Variants in DCDC1 observed in about 807,000 individuals in gnomAD.
DCDC1 encodes the protein doublecortin domain containing 1.
A neutral mutation model predicts 178.3 loss-of-function variants in DCDC1; 200 were observed. That is an observed-to-expected ratio of 1.12 (90% CI 1.00 to 1.26). The LOEUF (loss-of-function observed/expected upper bound fraction) is 1.26, where lower values mean the gene tolerates loss of function less well. Among genes scored for constraint, DCDC1 ranks in the 50% most tolerant of loss-of-function variants. The probability of loss-of-function intolerance (pLI) is 0.00; values close to 1 mark genes in which losing one functional copy is unlikely to be tolerated. For synonymous variants in DCDC1, 690 were observed against 604.8 expected, an observed-to-expected ratio of 1.14 and a Z score of -2.07; for missense variants, 1,983 against 1,749.2, an observed-to-expected ratio of 1.13 and a Z score of -2.38.
At chr11:31,358,272 G>T (rs1160488149) in intron 1 of DCDC1, among the ~76,000 whole-genome samples, 1 of 152,162 alleles carries the variant, frequency 6.6e-6, no homozygotes, top group Non-Finnish European at 1.5e-5. Context: ...AGAGCCCTCA[G>T]AAATAATGCT....
chr11:31,131,362 C>T (rs1962419427), intron 10 of DCDC1, among the ~76,000 whole-genome samples: 1 of 152,094 alleles, frequency 6.6e-6, no homozygotes, highest in African/African-American at 2.4e-5. Flanking sequence ...AAGTTTCTCT[C>T]GTTATCCTCC....
chr11:30,992,437 C>T (rs1230218833), intron 20 of DCDC1: 1 of 152,168 alleles, frequency 6.6e-6, no homozygotes, highest in African/African-American at 2.4e-5. Flanking sequence ...GTGAGGCAGT[C>T]CTGCCAAAGA....
At chr11:31,236,765 G>A (rs1976514500) in intron 9 of DCDC1, among the ~76,000 whole-genome samples, 1 of 151,852 alleles carries the variant, frequency 6.6e-6, no homozygotes, top group Admixed American at 6.6e-5. Flanking sequence ...CTATTTTCAT[G>A]TTTTTAATAG....
At chr11:31,184,115 G>A (rs938343161) in intron 9 of DCDC1, among the ~76,000 whole-genome samples, 1 of 152,088 alleles carries the variant, frequency 6.6e-6, no homozygotes, top group African/African-American at 2.4e-5. Flanking sequence ...CAGAACAGAT[G>A]CCTCAGAAAT....
chr11:30,997,729 T>G lies in DCDC1; in HGVS notation c.2592-45161A>C, dbSNP rs538934464. Among the ~76,000 whole-genome samples, 11 of 152,232 alleles carry G rather than the reference T, an allele frequency of 7.2e-5. No individual in the cohort carries two copies. The East Asian group carries it at 1.7e-3, about 24-fold the overall frequency. On this transcript the variant is annotated intron_variant, in intron 20 of 38. Coordinates refer to ENST00000684477, the MANE Select transcript of DCDC1 (RefSeq NM_001387274.1). Reference sequence around the variant, plus strand: ...ACCTTACCAATAACCAAGACAGGAATGTTAGAATGAACCCATGGTGCTGGA... The same window carrying G: ...ACCTTACCAATAACCAAGACAGGAAGGTTAGAATGAACCCATGGTGCTGGA...
At chr11:31,108,021 T>C (rs1958966260) in intron 12 of DCDC1, among the ~76,000 whole-genome samples, 1 of 152,228 alleles carries the variant, frequency 6.6e-6, no homozygotes, top group Non-Finnish European at 1.5e-5. Flanking sequence ...TGCTAAATGC[T>C]GAGGCTTAGA....
At chr11:31,156,371 C>T (rs1354878313) in intron 9 of DCDC1, among the ~76,000 whole-genome samples, 1 of 152,064 alleles carries the variant, frequency 6.6e-6, no homozygotes, top group African/African-American at 2.4e-5. Context: ...AACACGCGGC[C>T]AGTCAGATCT....
rs770789265 is a variant in DCDC1, at chr11:31,328,206, C to CAA, written c.74_75insTT (p.Met25IlefsTer19). 6.2e-7 allele frequency: 1 copy of CAA among 1,612,032 alleles called. No homozygotes were observed. The highest frequency in any genetic ancestry group is 8.5e-7 in the Non-Finnish European group (1 of 1,178,682). On this transcript the variant is annotated frameshift_variant, in exon 3 of 39. Transcript: ENST00000684477. LOFTEE classifies it high-confidence loss of function. ...CAGGGCTACTTTGCTGTAATACTTCCATTGCTTCAGTCAAGAGGGATAAGG... is the reference window on the plus strand; with the variant it reads ...CAGGGCTACTTTGCTGTAATACTTCCAAATTGCTTCAGTCAAGAGGGATAAGG...
At position 31,010,328 on chromosome 11, in the gene DCDC1, C is replaced by T. The variant is rs371334616; in HGVS notation, c.2591+54141G>A. On this transcript the variant is annotated intron_variant, in intron 20 of 38. Coordinates refer to ENST00000684477, the MANE Select transcript of DCDC1 (RefSeq NM_001387274.1). Reference sequence around the variant, plus strand: ...CTGGGAAGAATTCACTTCCAAGCTCCCTCAGGTTGTTAGGAGAACTCACTT... The same window carrying T: ...CTGGGAAGAATTCACTTCCAAGCTCTCTCAGGTTGTTAGGAGAACTCACTT... 1.4e-4 allele frequency among the ~76,000 whole-genome samples: 21 copies of T among 152,308 alleles called. No individual in the cohort carries two copies. In the East Asian group the frequency reaches 3.1e-3, roughly 22 times the overall value.
chr11:31,226,575 T>C (rs1974981447), intron 9 of DCDC1, among the ~76,000 whole-genome samples: 1 of 151,610 alleles, frequency 6.6e-6, no homozygotes, highest in Non-Finnish European at 1.5e-5. Context: ...AAGGTAAGAA[T>C]ACTATCCAAT....
intron 9 of DCDC1, among the ~76,000 whole-genome samples, chr11:31,179,040 G>A (rs1234579737): frequency 6.6e-6 from 1 of 151,996 alleles, no homozygotes; most frequent in East Asian, 1.9e-4. Context: ...CTTCTCAAAA[G>A]AGAATATAAA....
rs548269600 is a variant in DCDC1, at chr11:31,199,302, T to A, written c.1221+42148A>T. 9.9e-5 allele frequency among the ~76,000 whole-genome samples: 15 copies of A among 152,054 alleles called. No homozygotes were observed. The South Asian group carries it at 2.9e-3, about 29-fold the overall frequency. On this transcript the variant is annotated intron_variant, in intron 9 of 38. Coordinates refer to ENST00000684477, the MANE Select transcript of DCDC1 (RefSeq NM_001387274.1). ...TACATGCACTCAGAAAAGATAAAAATTTGCCTCTATAATAAGCTAGACACT... is the reference window on the plus strand; with the variant it reads ...TACATGCACTCAGAAAAGATAAAAAATTGCCTCTATAATAAGCTAGACACT...
chr11:31,266,838 T>G (rs546022147), intron 7 of DCDC1, among the ~76,000 whole-genome samples: 1 of 152,358 alleles, frequency 6.6e-6, no homozygotes, highest in South Asian at 2.1e-4. Flanking sequence ...GCACTTTCCT[T>G]TCAGCCTGTA....
Position 31,258,362 on chromosome 11 carries a change from T to A in DCDC1, c.1054+7145A>T, listed in dbSNP as rs186299157. 8.6e-3 allele frequency among the ~76,000 whole-genome samples: 1,316 copies of A among 152,202 alleles called. 6 individuals carry two copies. The highest frequency in any genetic ancestry group is 0.012 in the Non-Finnish European group (834 of 68,010). On this transcript the variant is annotated intron_variant, in intron 8 of 38. Coordinates refer to ENST00000684477, the MANE Select transcript of DCDC1 (RefSeq NM_001387274.1). ...CTTCATCTCTCTCACTATGAGAGAC[T>A]CTGCAAGAAAAATATCTAGAGGCAT...
In DCDC1 at chr11:30,916,983, T is replaced by G; in HGVS notation, c.3339A>C (p.Thr1113=). 1 of 1,609,740 alleles carries G rather than the reference T, an allele frequency of 6.2e-7. No individual in the cohort carries two copies. The highest frequency in any genetic ancestry group is 1.1e-5 in the South Asian group (1 of 89,312). The part of the protein sequence containing the change: ...RAHLRMKACH[T]LPRYAWQETS... The stretch of plus-strand genomic sequence containing the variant: ...TTTCCTGCCAGGCATACCTGGGAAG[T>G]GTGTGACAAGCCTTCATTCGAAGAT... Residue 1113 remains threonine, a synonymous_variant, in exon 26 of 39, where the codon ACA becomes ACC. Transcript: ENST00000684477.
intron 9 of DCDC1, among the ~76,000 whole-genome samples, chr11:31,153,833 A>C (rs1297789118): frequency 9.4e-6 from 1 of 105,842 alleles, no homozygotes. Flanking sequence ...CCATAACTCT[A>C]TGCTGTATCA....
intron 20 of DCDC1, among the ~76,000 whole-genome samples, chr11:31,009,296 T>G (rs1418102899): frequency 6.6e-6 from 1 of 152,208 alleles, no homozygotes; most frequent in Non-Finnish European, 1.5e-5. Flanking sequence ...TCCTGCATAT[T>G]TATAAATTTA....
chr11:30,875,441 CA>C (rs1751080631), intron 38 of DCDC1, among the ~76,000 whole-genome samples: 1 of 152,050 alleles, frequency 6.6e-6, no homozygotes, highest in Non-Finnish European at 1.5e-5. Flanking sequence ...GGGACATTTG[CA>C]TCTGATTTTG....
intron 20 of DCDC1, among the ~76,000 whole-genome samples, chr11:31,025,667 G>A (rs1188944959): frequency 6.6e-6 from 1 of 151,722 alleles, no homozygotes; most frequent in Non-Finnish European, 1.5e-5. Flanking sequence ...TTTTATACCT[G>A]CTTGAGTAAG....
Sources: gnomAD v4.1 joint callset for allele counts (sites outside exome capture counted in the v4.1 genomes callset) on GRCh38, gnomAD v4.1.1 for gene constraint, MANE v1.5 for transcripts, NCBI Gene and HGNC (gene_info 2026-07-23, HGNC 2026-07-21) for gene names.